The following CTNNAL1 variants were observed in gnomAD, a reference collection of about 807,000 sequenced individuals.
The protein encoded by CTNNAL1 is catenin alpha like 1, also known as alpha-catulin.
CTNNAL1 carries 69 observed loss-of-function variants against 93.6 expected under a neutral mutation model. The ratio of observed to expected loss-of-function variants is 0.74; its 90% CI spans 0.61 to 0.90. CTNNAL1 has a LOEUF of 0.90. CTNNAL1 is among the 40% of genes least tolerant of loss of function. CTNNAL1 has a pLI of 0.00. For synonymous variants in CTNNAL1, 286 were observed against 305.4 expected (o/e 0.94, Z 0.66); for missense variants, 836 against 862.0 (o/e 0.97, Z 0.38).
intron 3 of CTNNAL1, 34 bp from the exon 4 acceptor site, chr9:108,990,879 G>T (rs2274926): frequency 0.078 from 123,874 of 1,596,708 alleles, 5,668 homozygotes; most frequent in Admixed American, 0.18. Flanking sequence ...TATTTGGTGA[G>T]AGCTACTCAA....
intron 9 of CTNNAL1, among the ~76,000 whole-genome samples, chr9:108,972,239 C>G (rs1355549959): frequency 2.0e-5 from 3 of 152,154 alleles, no homozygotes; most frequent in Admixed American, 2.0e-4. Context: ...ACCACTCGCC[C>G]CAATTACTGC....
intron 15 of CTNNAL1, 112 bp downstream of exon 15, chr9:108,948,074 T>G (rs1587941797): frequency 8.4e-7 from 1 of 1,196,694 alleles, no homozygotes; most frequent in East Asian, 2.5e-5. Flanking sequence ...AATACACAGG[T>G]AGGTACAGAT....
intron 2 of CTNNAL1, among the ~76,000 whole-genome samples, chr9:108,994,602 A>G (rs949678540): frequency 6.6e-6 from 1 of 152,186 alleles, no homozygotes; most frequent in Non-Finnish European, 1.5e-5. Context: ...GCAGACTTGG[A>G]TGTCTTGTGT....
Position 109,011,285 on chromosome 9 carries a change from T to C in CTNNAL1, c.141+2017A>G, listed in dbSNP as rs759398537. On this transcript the variant is annotated intron_variant, in intron 1 of 18. Transcript: ENST00000325551. Reference sequence around the variant, plus strand: ...ATTATGAGGAATATCAGTTATGGTGTTGTGGTAGAGATGTAGCTGTAGATA... The same window carrying C: ...ATTATGAGGAATATCAGTTATGGTGCTGTGGTAGAGATGTAGCTGTAGATA... 2.6e-5 allele frequency among the ~76,000 whole-genome samples: 4 copies of C among 152,252 alleles called. No individual in the cohort carries two copies. In the South Asian group the frequency reaches 6.2e-4, roughly 24 times the overall value.
rs1232787419 is a variant in CTNNAL1, at chr9:108,972,739, C to A, written c.1283G>T (p.Gly428Val). 6.2e-7 allele frequency: 1 copy of A among 1,613,386 alleles called. No homozygotes were observed. Among genetic ancestry groups the A allele is most frequent in the African/African-American group, 1.3e-5 (1 of 74,722 alleles). The change falls in exon 9 of 19, where the codon GGA becomes GTA. Residue 428 changes from glycine to valine, a missense_variant. Transcript: ENST00000325551. ...ATATTCAGCCAAAGCTTCTAAATTT[C>A]CTTCTACTCCAGTAAGTTTTAATGC... ...LKALKLTGVE[G>V]NLEALAEYAC...
intron 11 of CTNNAL1, among the ~76,000 whole-genome samples, chr9:108,957,711 T>A (rs1465509493): frequency 6.6e-6 from 1 of 152,210 alleles, no homozygotes; most frequent in Non-Finnish European, 1.5e-5. Context: ...CAGAAGATAG[T>A]CTTCCGGTCA....
At chr9:108,972,964 A>T (rs1831160905) in intron 8 of CTNNAL1, 131 bp from the exon 9 acceptor site, 1 of 1,132,040 alleles carries the variant, frequency 8.8e-7, no homozygotes, top group South Asian at 1.7e-5. Context: ...AATAAAGAGA[A>T]GCCGCAAAGC....
chr9:109,011,827 T>C (rs1403344108), intron 1 of CTNNAL1, among the ~76,000 whole-genome samples: 1 of 152,246 alleles, frequency 6.6e-6, no homozygotes, highest in Non-Finnish European at 1.5e-5. Context: ...TGAGTTAATA[T>C]TTACAAAGTG....
rs529347610 is a variant in CTNNAL1 at position 108,994,787 on chromosome 9, G to T, written c.332-1968C>A. On this transcript the variant is annotated intron_variant, in intron 2 of 18. Transcript: ENST00000325551. ...GGTGGTATGTCACTCCCAAGCTTAG[G>T]TTCTAAAATAACTGAGGCAGCTGTC... Among the ~76,000 whole-genome samples, 105 of 152,278 alleles carry T rather than the reference G, an allele frequency of 6.9e-4. 1 individual carries two copies. The South Asian group carries it at 8.9e-3, about 13-fold the overall frequency.
chr9:108,955,568 G>A (rs1369717966), intron 12 of CTNNAL1, among the ~76,000 whole-genome samples: 1 of 152,030 alleles, frequency 6.6e-6, no homozygotes, highest in Admixed American at 6.6e-5. Context: ...CACAAATTAT[G>A]TTACCTATTC....
chr9:108,945,647 T>G (rs1564118879), intron 15 of CTNNAL1, among the ~76,000 whole-genome samples: 4 of 148,644 alleles, frequency 2.7e-5, no homozygotes, highest in South Asian at 4.2e-4. Flanking sequence ...TTTTTTGTTT[T>G]GTTTTTTTGT....
At chr9:108,972,864 G>GGGGGGGGGGGGCCCCCCCCCC in intron 8 of CTNNAL1, 31 bp from the exon 9 acceptor site, 23 of 142,374 alleles carry the variant, frequency 1.6e-4, no homozygotes, top group East Asian at 4.4e-4. Flanking sequence ...GGGGGGGTGG[G>GGGGGGGGGGGGCCCCCCCCCC]AGGGTGGAGA....
chr9:108,946,384 A>T lies in CTNNAL1; in HGVS notation c.1884+1802T>A, dbSNP rs575972738. Among the ~76,000 whole-genome samples the T allele has an allele frequency of 5.9e-5, 9 of 151,644 alleles. No individual in the cohort carries two copies. The South Asian group carries it at 1.9e-3, about 32-fold the overall frequency. ...CTTCTGGCTCACTTCACTCCCATCA[A>T]TAATTGCCTCCTTACTCTTCTGATA... is the stretch of plus-strand genomic sequence containing the variant. On this transcript the variant is annotated intron_variant, in intron 15 of 18. Coordinates refer to ENST00000325551, the MANE Select transcript of CTNNAL1 (RefSeq NM_003798.4).
chr9:108,982,167 A>C (rs1831451419), intron 6 of CTNNAL1, among the ~76,000 whole-genome samples: 1 of 152,188 alleles, frequency 6.6e-6, no homozygotes, highest in African/African-American at 2.4e-5. Flanking sequence ...ATGAGAAGTC[A>C]GACTTCCTGG....
chr9:108,995,630 A>G (rs1389149582), intron 2 of CTNNAL1, among the ~76,000 whole-genome samples: 2 of 152,146 alleles, frequency 1.3e-5, no homozygotes, highest in Non-Finnish European at 2.9e-5. Flanking sequence ...CCCAAGGTCA[A>G]TCAAACACAA....
intron 10 of CTNNAL1, among the ~76,000 whole-genome samples, chr9:108,969,498 T>A (rs1316538182): frequency 6.6e-6 from 1 of 152,222 alleles, no homozygotes; most frequent in Non-Finnish European, 1.5e-5. Context: ...ATTATGGGAA[T>A]AATTTGTATA....
At chr9:109,008,040 A>T (rs1197920111) in intron 1 of CTNNAL1, among the ~76,000 whole-genome samples, 2 of 152,022 alleles carry the variant, frequency 1.3e-5, no homozygotes, top group Admixed American at 6.6e-5. Flanking sequence ...GTATATCATT[A>T]TATGAACATA....
At position 108,983,159 on chromosome 9, in the gene CTNNAL1, T is replaced by A; in HGVS notation, c.886A>T (p.Ile296Phe). The A allele has an allele frequency of 6.5e-7, 1 of 1,532,844 alleles. No individual in the cohort carries two copies. Among genetic ancestry groups the A allele is most frequent in the Non-Finnish European group, 8.8e-7 (1 of 1,142,542 alleles). 95.0% of individuals were successfully genotyped at this position (1,532,844 alleles called of 1,614,324 possible). Residue 296 changes from isoleucine to phenylalanine, a missense_variant, in exon 6 of 19, where the codon ATT (isoleucine) becomes TTT (phenylalanine). Transcript: ENST00000325551. ...TTTATTCTTACCTTGAATTCCTTAA[T>A]TCCAGTAAAAATACTGATAGATGAA... ...DISSISIFTG[I>F]KEFKMNIEAL...
chr9:108,990,827 T>C lies in CTNNAL1; in HGVS notation c.538A>G (p.Arg180Gly). The C allele has an allele frequency of 6.2e-7, 1 of 1,612,878 alleles. No individual in the cohort carries two copies. Among genetic ancestry groups the C allele is most frequent in the Non-Finnish European group, 8.5e-7 (1 of 1,179,690 alleles). ...SRNKVLATME[R>G]LEKVNSFQEF... is the part of the protein sequence containing the mutation. Reference sequence around the variant, plus strand: ...TGAAAGCTATTCACTTTCTCTAGTCTTTCCATAGTTGCGAGAACCTGCAAA... The same window carrying C: ...TGAAAGCTATTCACTTTCTCTAGTCCTTCCATAGTTGCGAGAACCTGCAAA... Residue 180 changes from arginine (R) to glycine (G), a missense_variant, in exon 4 of 19, where the codon AGA (arginine) becomes GGA (glycine). Coordinates refer to ENST00000325551, the MANE Select transcript of CTNNAL1 (RefSeq NM_003798.4).
Sources: allele counts gnomAD v4.1 joint callset (sites outside exome capture counted in the v4.1 genomes callset), GRCh38; gene constraint gnomAD v4.1.1; transcripts MANE v1.5; gene names NCBI Gene and HGNC (gene_info 2026-07-23, HGNC 2026-07-21).